WDR59: variants seen among roughly 807,000 people sequenced by gnomAD.
The protein encoded by WDR59 is WD repeat domain 59.
In WDR59, 100 loss-of-function variants were observed where a neutral mutation model predicts 131.2. The ratio of observed to expected loss-of-function variants is 0.76; its 90% CI spans 0.65 to 0.90. WDR59 has a LOEUF of 0.90. WDR59 is among the 40% of genes least tolerant of loss of function. WDR59 has a pLI of 0.00. For synonymous variants in WDR59, 601 were observed against 466.2 expected, an observed-to-expected ratio of 1.29 and a Z score of -3.72; for missense variants, 1,203 against 1,262.2, an observed-to-expected ratio of 0.95 and a Z score of 0.71.
intron 6 of WDR59, among the ~76,000 whole-genome samples, chr16:74,943,458 C>T (rs2032384924): frequency 6.6e-6 from 1 of 152,148 alleles, no homozygotes; most frequent in African/African-American, 2.4e-5. Flanking sequence ...AGTCCTTTTC[C>T]CTCTCTGCCA....
At chr16:74,951,663 C>A in intron 3 of WDR59, 120 bp from the exon 4 acceptor site, 2 of 823,220 alleles carry the variant, frequency 2.4e-6, no homozygotes, top group Non-Finnish European at 2.0e-6. Flanking sequence ...ATCCTTCAGG[C>A]TGAACTTTTC....
chr16:74,904,227 A>C, intron 17 of WDR59, 127 bp from the exon 18 acceptor site: 1 of 1,204,700 alleles, frequency 8.3e-7, no homozygotes, highest in South Asian at 1.4e-5. Context: ...CAGAAAAAGA[A>C]GTCAATAAAA....
In WDR59 at chr16:74,873,582, C is replaced by G. The variant is rs2144734456; in HGVS notation, c.*627G>C. The G allele has an allele frequency of 6.6e-6, 1 of 150,402 alleles. No homozygotes were observed. Among genetic ancestry groups the G allele is most frequent in the South Asian group, 2.1e-4 (1 of 4,740 alleles). 9.3% of individuals were successfully genotyped at this position (150,402 alleles called of 1,614,324 possible). ...ATTCACCATAATGTTGTTTAACTTTCTCTCTTTTTTTTTTTTTTCAAATTA... is the reference window on the plus strand; with the variant it reads ...ATTCACCATAATGTTGTTTAACTTTGTCTCTTTTTTTTTTTTTTCAAATTA... On this transcript the variant is annotated 3_prime_UTR_variant, in exon 26 of 26. Coordinates refer to ENST00000262144, the MANE Select transcript of WDR59 (RefSeq NM_030581.4).
rs1303595578 is a variant in WDR59, at chr16:74,874,900, TTG to T, written c.2690-458_2690-457del. On this transcript the variant is annotated intron_variant, in intron 25 of 25. Coordinates refer to ENST00000262144, the MANE Select transcript of WDR59 (RefSeq NM_030581.4). ...GCCACTGTGCCCAGCCTGTTTTTTT[TTG>T]TTTTTTTTACACCAGAACTCCTTCT... Among the ~76,000 whole-genome samples the T allele has an allele frequency of 2.1e-3, 323 of 152,122 alleles. 2 individuals are homozygous for T. The highest frequency in any genetic ancestry group is 6.8e-3 in the African/African-American group (283 of 41,528).
intron 7 of WDR59, among the ~76,000 whole-genome samples, chr16:74,940,808 C>T (rs2032158598): frequency 1.3e-5 from 2 of 152,142 alleles, no homozygotes; most frequent in Admixed American, 6.5e-5. Context: ...CGGGTTCAAG[C>T]GATTCTCCTG....
chr16:74,980,952 G>T (rs150465849), intron 1 of WDR59, among the ~76,000 whole-genome samples: 1 of 151,118 alleles, frequency 6.6e-6, no homozygotes, highest in African/African-American at 2.4e-5. Context: ...GCAACAGAGC[G>T]AGACTCCATC....
intron 10 of WDR59, among the ~76,000 whole-genome samples, chr16:74,920,587 G>A (rs2030112930): frequency 6.6e-6 from 1 of 152,102 alleles, no homozygotes; most frequent in South Asian, 2.1e-4. Context: ...TTTCAGCAGA[G>A]ATGGGGTTTT....
intron 8 of WDR59, among the ~76,000 whole-genome samples, chr16:74,929,938 A>G (rs2031229610): frequency 6.6e-6 from 1 of 152,234 alleles, no homozygotes. Flanking sequence ...ACAGAAAAAT[A>G]AACTTTGCAT....
chr16:74,969,430 G>C (rs950418169), intron 1 of WDR59, among the ~76,000 whole-genome samples: 1 of 151,618 alleles, frequency 6.6e-6, no homozygotes, highest in Non-Finnish European at 1.5e-5. Context: ...ATGCCACTAC[G>C]CTCGGCTAAT....
chr16:74,955,337 C>T (rs375625176), intron 3 of WDR59, among the ~76,000 whole-genome samples: 3 of 152,128 alleles, frequency 2.0e-5, no homozygotes, highest in African/African-American at 7.2e-5. Context: ...GCTGAACTTC[C>T]TGCAACGCAC....
At chr16:74,878,537 C>T (rs907548762) in intron 25 of WDR59, among the ~76,000 whole-genome samples, 8 of 151,910 alleles carry the variant, frequency 5.3e-5, no homozygotes, top group African/African-American at 1.9e-4. Flanking sequence ...CCTGTAATAC[C>T]TGGAAGGCTG....
chr16:74,934,882 T>C (rs1331974959), intron 8 of WDR59, among the ~76,000 whole-genome samples: 1 of 152,158 alleles, frequency 6.6e-6, no homozygotes, highest in East Asian at 1.9e-4. Context: ...CAGGTTTCCT[T>C]GAGGGTTGAT....
chr16:74,939,775 G>T (rs776709877), intron 7 of WDR59, among the ~76,000 whole-genome samples: 5 of 152,108 alleles, frequency 3.3e-5, no homozygotes, highest in Admixed American at 6.6e-5. Flanking sequence ...GATGACTTGA[G>T]ACCAAAAGTC....
chr16:74,908,490 A>AAT (rs1351823334), intron 17 of WDR59, among the ~76,000 whole-genome samples: 4 of 152,234 alleles, frequency 2.6e-5, no homozygotes, highest in Admixed American at 6.5e-5. Flanking sequence ...TTTTAAAATT[A>AAT]CATATTGTTT....
At chr16:74,918,072 T>C (rs1567718796) in intron 10 of WDR59, 64 bp from the exon 11 acceptor site, 1 of 1,492,048 alleles carries the variant, frequency 6.7e-7, no homozygotes, top group Non-Finnish European at 9.3e-7. Context: ...TGCTAGAGGT[T>C]GAAATGGAGT....
In WDR59 at chr16:74,908,116, G is replaced by A. The variant is rs114661208; in HGVS notation, c.1712+792C>T. Among the ~76,000 whole-genome samples the A allele has an allele frequency of 7.2e-3, 1,098 of 152,262 alleles. 12 individuals are homozygous for A. Among genetic ancestry groups the A allele is most frequent in the African/African-American group, 0.022 (910 of 41,560 alleles). On this transcript the variant is annotated intron_variant, in intron 17 of 25. Transcript: ENST00000262144. ...GGAAAATGAAAAGAAGGGCTTTTGCGTTGTAATTTAAAACTTCCAGGCTGG... is the reference window on the plus strand; with the variant it reads ...GGAAAATGAAAAGAAGGGCTTTTGCATTGTAATTTAAAACTTCCAGGCTGG...
intron 3 of WDR59, among the ~76,000 whole-genome samples, chr16:74,954,190 C>T (rs2033163712): frequency 1.3e-5 from 2 of 152,112 alleles, no homozygotes; most frequent in South Asian, 4.2e-4. Context: ...GGGTGGATCA[C>T]CTGAGGTCGA....
At chr16:74,911,809 G>T (rs1205921785) in intron 14 of WDR59, among the ~76,000 whole-genome samples, 2 of 152,164 alleles carry the variant, frequency 1.3e-5, no homozygotes, top group Non-Finnish European at 2.9e-5. Flanking sequence ...AACCTGGGCT[G>T]CTAAATGAAA....
intron 4 of WDR59, chr16:74,950,023 G>T (rs2032902322): frequency 7.2e-6 from 4 of 558,542 alleles, no homozygotes; most frequent in African/African-American, 3.8e-5. Context: ...TCCCAGAAAA[G>T]AAATGGAGTG....
Sources: gnomAD v4.1 joint callset for allele counts (sites outside exome capture counted in the v4.1 genomes callset) on GRCh38, gnomAD v4.1.1 for gene constraint, MANE v1.5 for transcripts, NCBI Gene and HGNC (gene_info 2026-07-23, HGNC 2026-07-21) for gene names.